The following TNFSF4 variants were observed in gnomAD, a reference collection of about 807,000 sequenced individuals.
TNFSF4 encodes the protein TNF superfamily member 4.
A neutral mutation model predicts 7.3 loss-of-function variants in TNFSF4; 4 were observed. The ratio of observed to expected loss-of-function variants is 0.55; its 90% CI spans 0.27 to 1.25. The LOEUF (loss-of-function observed/expected upper bound fraction) is 1.25, where lower values mean the gene tolerates loss of function less well. Among genes scored for constraint, TNFSF4 ranks in the 50% most tolerant of loss-of-function variants. The probability of loss-of-function intolerance (pLI) is 0.12; values close to 1 mark genes in which losing one functional copy is unlikely to be tolerated. For synonymous variants in TNFSF4, 76 were observed against 83.7 expected, an observed-to-expected ratio of 0.91 and a Z score of 0.50; for missense variants, 181 against 208.8, an observed-to-expected ratio of 0.87 and a Z score of 0.82.
chr1:173,407,142 G>A, the TNFSF4 span, among the ~76,000 whole-genome samples: 3 of 150,704 alleles, frequency 2.0e-5, no homozygotes, highest in Non-Finnish European at 4.4e-5. Context: ...TGGTGCGGGA[G>A]GGGAGAAAAG....
chr1:173,270,331 T>A, the TNFSF4 span, among the ~76,000 whole-genome samples: 1 of 152,064 alleles, frequency 6.6e-6, no homozygotes, highest in African/African-American at 2.4e-5. Context: ...AGTGTAAAGG[T>A]GCCACTTAAA....
At chr1:173,430,041 C>T in the TNFSF4 span, among the ~76,000 whole-genome samples, 1 of 152,106 alleles carries the variant, frequency 6.6e-6, no homozygotes, top group African/African-American at 2.4e-5. Flanking sequence ...TGTAGGGCCT[C>T]GCCCACAGCT....
the TNFSF4 span, among the ~76,000 whole-genome samples, chr1:173,250,150 T>A: frequency 6.6e-6 from 1 of 152,266 alleles, no homozygotes; most frequent in Non-Finnish European, 1.5e-5. Context: ...ATCCTATATA[T>A]ACGGCATCTA....
chr1:173,204,064 G>GA (rs1650063983), intron 1 of TNFSF4, among the ~76,000 whole-genome samples: 1 of 152,104 alleles, frequency 6.6e-6, no homozygotes, highest in African/African-American at 2.4e-5. Flanking sequence ...AGGTTATTTA[G>GA]ATATGTACAG....
At chr1:173,423,649 A>T in the TNFSF4 span, among the ~76,000 whole-genome samples, 1 of 152,222 alleles carries the variant, frequency 6.6e-6, no homozygotes, top group African/African-American at 2.4e-5. Flanking sequence ...TGGTGGAAGC[A>T]TATGGGGTAG....
chr1:173,278,578 T>A, the TNFSF4 span, among the ~76,000 whole-genome samples: 2 of 152,170 alleles, frequency 1.3e-5, no homozygotes, highest in Admixed American at 1.3e-4. Flanking sequence ...TGGAAAGTAG[T>A]CTTCAAAAAA....
At chr1:173,282,196 A>G in the TNFSF4 span, among the ~76,000 whole-genome samples, 1 of 152,186 alleles carries the variant, frequency 6.6e-6, no homozygotes, top group Non-Finnish European at 1.5e-5. Flanking sequence ...GAGAATATTT[A>G]GGATGTTCCC....
At chr1:173,340,959 T>C in the TNFSF4 span, among the ~76,000 whole-genome samples, 1 of 152,196 alleles carries the variant, frequency 6.6e-6, no homozygotes, top group Non-Finnish European at 1.5e-5. Flanking sequence ...AATTAAATCA[T>C]GAGAGGAGCT....
the TNFSF4 span, among the ~76,000 whole-genome samples, chr1:173,386,675 T>C: frequency 1.3e-5 from 2 of 152,046 alleles, no homozygotes; most frequent in South Asian, 2.1e-4. Context: ...GCATGCAACA[T>C]CAGCCTGAGA....
the TNFSF4 span, among the ~76,000 whole-genome samples, chr1:173,394,919 G>GAGAT: frequency 0.083 from 12,406 of 150,038 alleles, 735 homozygotes; most frequent in African/African-American, 0.15. Context: ...TAGATAGATA[G>GAGAT]AGATAGATAG....
the TNFSF4 span, among the ~76,000 whole-genome samples, chr1:173,374,931 C>G: frequency 6.6e-6 from 1 of 152,180 alleles, no homozygotes; most frequent in Non-Finnish European, 1.5e-5. Context: ...ACCACATACT[C>G]TCATAGGATT....
the TNFSF4 span, among the ~76,000 whole-genome samples, chr1:173,373,271 A>T: frequency 1.3e-5 from 2 of 152,248 alleles, no homozygotes; most frequent in African/African-American, 4.8e-5. Context: ...AAGGTGTAGG[A>T]GAAAAGGCAG....
At chr1:173,399,379 C>G in the TNFSF4 span, among the ~76,000 whole-genome samples, 1 of 152,156 alleles carries the variant, frequency 6.6e-6, no homozygotes, top group Non-Finnish European at 1.5e-5. Flanking sequence ...CTTTCTGGAA[C>G]ATCTGTGAAG....
In TNFSF4 at chr1:173,207,211, G is replaced by T; in HGVS notation, c.-35C>A. On this transcript the variant is annotated 5_prime_UTR_variant, in exon 1 of 3. Coordinates refer to ENST00000281834, the MANE Select transcript of TNFSF4 (RefSeq NM_003326.5). ...CTGGGTAGAGGGAAGATGAAGATAT[G>T]GAAAAGGGGAACGTGCGATAAAACT... The T allele has an allele frequency of 6.4e-7, 1 of 1,571,212 alleles. No individual in the cohort carries two copies. Among genetic ancestry groups the T allele is most frequent in the African/African-American group, 1.3e-5 (1 of 74,098 alleles).
At chr1:173,286,670 C>A in the TNFSF4 span, among the ~76,000 whole-genome samples, 12,735 of 152,096 alleles carry the variant, frequency 0.084, 626 homozygotes, top group Middle Eastern at 0.12. Flanking sequence ...GAATCTCTTT[C>A]TGAACTTGGG....
At chr1:173,244,450 G>A in the TNFSF4 span, among the ~76,000 whole-genome samples, 21 of 151,664 alleles carry the variant, frequency 1.4e-4, no homozygotes, top group African/African-American at 3.6e-4. Flanking sequence ...AGACCATCCC[G>A]GCTAAAACGG....
At chr1:173,187,929 G>T (rs1257842147) in intron 2 of TNFSF4, among the ~76,000 whole-genome samples, 1 of 152,154 alleles carries the variant, frequency 6.6e-6, no homozygotes, top group East Asian at 1.9e-4. Flanking sequence ...AGTCCAGAGG[G>T]ACATACTTTT....
At chr1:173,376,214 T>C in the TNFSF4 span, among the ~76,000 whole-genome samples, 1 of 152,164 alleles carries the variant, frequency 6.6e-6, no homozygotes, top group South Asian at 2.1e-4. Context: ...CCATCAATGA[T>C]AGAATGGATA....
chr1:173,321,528 A>G, the TNFSF4 span, among the ~76,000 whole-genome samples: 1 of 152,174 alleles, frequency 6.6e-6, no homozygotes, highest in Non-Finnish European at 1.5e-5. Flanking sequence ...AACTATCATC[A>G]GAATGAACAG....
Sources: allele counts gnomAD v4.1 joint callset (sites outside exome capture counted in the v4.1 genomes callset), GRCh38; gene constraint gnomAD v4.1.1; transcripts MANE v1.5; gene names NCBI Gene and HGNC (gene_info 2026-07-23, HGNC 2026-07-21).